UGT2B4: variants seen among roughly 807,000 people sequenced by gnomAD.
UGT2B4 encodes the protein UDP-glucuronosyltransferase 2B4.
UGT2B4 carries 49 observed loss-of-function variants against 49.8 expected under a neutral mutation model. The observed-to-expected ratio is 0.98, with a 90% CI of 0.78 to 1.25. The LOEUF is 1.25. Among genes scored for constraint, UGT2B4 ranks in the 50% most tolerant of loss-of-function variants. The pLI is 0.00. For synonymous variants in UGT2B4, 246 were observed against 217.7 expected, an observed-to-expected ratio of 1.13 and a Z score of -1.14; for missense variants, 729 against 627.7, an observed-to-expected ratio of 1.16 and a Z score of -1.73.
chr4:69,494,741 T>C (rs558489227), intron 1 of UGT2B4, among the ~76,000 whole-genome samples: 1 of 152,314 alleles, frequency 6.6e-6, no homozygotes, highest in East Asian at 1.9e-4. Flanking sequence ...AAAAACAATT[T>C]CTGCAATGTT....
At chr4:69,503,695 C>A (rs1325276178) in intron 1 of UGT2B4, among the ~76,000 whole-genome samples, 2 of 152,182 alleles carry the variant, frequency 1.3e-5, no homozygotes, top group Non-Finnish European at 2.9e-5. Context: ...TGCTGCCCAG[C>A]AACCCACCCT....
intron 1 of UGT2B4, chr4:69,517,941 G>C (rs1171559801): frequency 6.3e-6 from 1 of 159,102 alleles, no homozygotes; most frequent in Non-Finnish European, 1.5e-5. Flanking sequence ...CACAGGGAAT[G>C]GCAGAGTCTA....
intron 1 of UGT2B4, among the ~76,000 whole-genome samples, chr4:69,510,550 A>T (rs143585396): frequency 1.4e-3 from 215 of 152,256 alleles, no homozygotes; most frequent in South Asian, 2.9e-3. Flanking sequence ...AGTTTTTGAT[A>T]ACACTTTCAC....
chr4:69,500,933 C>A (rs935073214), intron 1 of UGT2B4, among the ~76,000 whole-genome samples: 2 of 151,984 alleles, frequency 1.3e-5, no homozygotes, highest in African/African-American at 4.8e-5. Flanking sequence ...GTTTTAGATA[C>A]CCCAGCTTTC....
At chr4:69,487,085 C>G (rs1376183488) in intron 3 of UGT2B4, among the ~76,000 whole-genome samples, 1 of 152,124 alleles carries the variant, frequency 6.6e-6, no homozygotes, top group Non-Finnish European at 1.5e-5. Context: ...CAAAAAATAA[C>G]AGATGCTTGT....
At chr4:69,484,995 A>G (rs895189322) in intron 5 of UGT2B4, among the ~76,000 whole-genome samples, 4 of 152,136 alleles carry the variant, frequency 2.6e-5, no homozygotes, top group Non-Finnish European at 5.9e-5. Context: ...TTTTGTGTAG[A>G]AAATTATTTC....
At chr4:69,522,310 C>G (rs1728866927) in intron 1 of UGT2B4, among the ~76,000 whole-genome samples, 1 of 152,128 alleles carries the variant, frequency 6.6e-6, no homozygotes, top group Non-Finnish European at 1.5e-5. Context: ...TACGAATTAT[C>G]AATCATTTTT....
intron 2 of UGT2B4, among the ~76,000 whole-genome samples, chr4:69,491,511 T>C (rs41297371): frequency 0.19 from 28,548 of 152,036 alleles, 3,047 homozygotes; most frequent in Non-Finnish European, 0.25. Flanking sequence ...TCTTAAAGTA[T>C]GCATAAATTA....
At chr4:69,494,491 G>A (rs1371785851) in intron 1 of UGT2B4, among the ~76,000 whole-genome samples, 4 of 151,806 alleles carry the variant, frequency 2.6e-5, no homozygotes, top group African/African-American at 7.3e-5. Flanking sequence ...AAGATACATA[G>A]TTTCAAAAAA....
At chr4:69,496,384 T>C (rs1321117470), upstream of UGT2B4, among the ~76,000 whole-genome samples, 15 of 152,326 alleles carry the variant, frequency 9.8e-5, 1 homozygote, top group South Asian at 2.7e-3. Context: ...ACTCATCACC[T>C]GACTCATGTA....
intron 1 of UGT2B4, among the ~76,000 whole-genome samples, chr4:69,502,476 G>A (rs2099287): frequency 0.14 from 21,536 of 151,790 alleles, 1,837 homozygotes; most frequent in Non-Finnish European, 0.19. Flanking sequence ...CATCTTTGCT[G>A]TTTCTCATAT....
intron 5 of UGT2B4, among the ~76,000 whole-genome samples, chr4:69,482,358 A>G (rs765385333): frequency 2.0e-5 from 3 of 152,230 alleles, no homozygotes; most frequent in African/African-American, 7.2e-5. Context: ...AACACATAAC[A>G]TAAGTGTACA....
chr4:69,492,632 A>G (rs913184215), intron 2 of UGT2B4, among the ~76,000 whole-genome samples: 2 of 152,142 alleles, frequency 1.3e-5, no homozygotes, highest in African/African-American at 4.8e-5. Context: ...AGTGACTTAC[A>G]CATGTTAAGT....
At chr4:69,493,078 T>C (rs953045090) in intron 2 of UGT2B4, among the ~76,000 whole-genome samples, 4 of 152,128 alleles carry the variant, frequency 2.6e-5, no homozygotes, top group Non-Finnish European at 4.4e-5. Context: ...TTACTCAGTA[T>C]CTTCCTTGCA....
chr4:69,502,804 A>G (rs1027691766), intron 1 of UGT2B4, among the ~76,000 whole-genome samples: 4 of 152,138 alleles, frequency 2.6e-5, no homozygotes, highest in African/African-American at 9.7e-5. Context: ...CCTAAATGCC[A>G]TATTCACACC....
chr4:69,488,510 T>C (rs958781558), intron 3 of UGT2B4, among the ~76,000 whole-genome samples: 21 of 152,160 alleles, frequency 1.4e-4, no homozygotes, highest in African/African-American at 5.1e-4. Context: ...GAAGGATATG[T>C]CAGGCAGGGA....
At chr4:69,515,706 C>G (rs191484420) in intron 1 of UGT2B4, among the ~76,000 whole-genome samples, 1 of 152,070 alleles carries the variant, frequency 6.6e-6, no homozygotes. Context: ...CTTCAAAATT[C>G]AATGAATCCA....
At chr4:69,523,437 C>T (rs1253539794) in intron 1 of UGT2B4, among the ~76,000 whole-genome samples, 1 of 152,094 alleles carries the variant, frequency 6.6e-6, no homozygotes, top group African/African-American at 2.4e-5. Context: ...ACAGCTCTTG[C>T]ATTAGCATGC....
chr4:69,502,133 C>CTTTCTTTCTTTCTTTCTTCTTTA (rs1728349651), intron 1 of UGT2B4, among the ~76,000 whole-genome samples: 1 of 124,228 alleles, frequency 8.0e-6, no homozygotes, highest in African/African-American at 3.2e-5. Context: ...TTCTTTCTTT[C>CTTTCTTTCTTTCTTTCTTCTTTA]TTTCTTTCTT....
Sources: allele counts gnomAD v4.1 joint callset (sites outside exome capture counted in the v4.1 genomes callset), GRCh38; gene constraint gnomAD v4.1.1; transcripts MANE v1.5; gene names NCBI Gene and HGNC (gene_info 2026-07-23, HGNC 2026-07-21).